The following PACRG variants were observed in gnomAD, a reference collection of about 807,000 sequenced individuals.
PACRG encodes parkin coregulated, also known as parkin coregulated gene protein.
Under a neutral mutation model 29.7 loss-of-function variants are expected in PACRG, and 29 were observed. The observed-to-expected ratio is 0.98, with a 90% CI of 0.73 to 1.33. PACRG has a LOEUF of 1.33. PACRG is among the 40% of genes most tolerant of loss of function. PACRG has a pLI of 0.00. For synonymous variants in PACRG, 116 were observed against 118.7 expected, an observed-to-expected ratio of 0.98 and a Z score of 0.15; for missense variants, 279 against 316.2, an observed-to-expected ratio of 0.88 and a Z score of 0.89.
chr6:162,804,328 C>G (rs186958721), intron 1 of PACRG, among the ~76,000 whole-genome samples: 1 of 152,106 alleles, frequency 6.6e-6, no homozygotes, highest in African/African-American at 2.4e-5. Context: ...GTCAGGTGCC[C>G]CGAATAATCC....
chr6:162,888,804 G>A lies in PACRG; in HGVS notation c.291+74523G>A, dbSNP rs910964481. Among the ~76,000 whole-genome samples, 4 of 152,154 alleles carry A rather than the reference G, an allele frequency of 2.6e-5. No individual in the cohort carries two copies. The South Asian group carries it at 8.3e-4, about 32-fold the overall frequency. ...AACCCAATAGCCAGGAATTTAAAAGGCAGGACTCTTTTCTCTTAATTTTCT... is the reference window on the plus strand; with the variant it reads ...AACCCAATAGCCAGGAATTTAAAAGACAGGACTCTTTTCTCTTAATTTTCT... On this transcript the variant is annotated intron_variant, in intron 2 of 4. Transcript: ENST00000366888.
intron 2 of PACRG, among the ~76,000 whole-genome samples, chr6:162,816,980 G>C (rs1787409639): frequency 6.6e-6 from 1 of 152,124 alleles, no homozygotes; most frequent in South Asian, 2.1e-4. Context: ...TCCCTCCGAG[G>C]ATACCGGCCC....
chr6:163,304,730 T>C (rs1027411464), intron 4 of PACRG, among the ~76,000 whole-genome samples: 1 of 152,258 alleles, frequency 6.6e-6, no homozygotes, highest in Middle Eastern at 3.4e-3. Context: ...AATGAAAATT[T>C]CATGCAGTGG....
intron 4 of PACRG, among the ~76,000 whole-genome samples, chr6:163,196,736 C>T (rs1780466239): frequency 6.6e-6 from 1 of 152,014 alleles, no homozygotes; most frequent in Non-Finnish European, 1.5e-5. Context: ...CCAGGGTGAG[C>T]AGATGTTCAG....
chr6:162,760,917 G>A (rs1584267282), intron 1 of PACRG, among the ~76,000 whole-genome samples: 1 of 152,308 alleles, frequency 6.6e-6, no homozygotes, highest in Middle Eastern at 3.4e-3. Context: ...ACTCAGATGA[G>A]GGTTGTCATA....
In PACRG at chr6:163,212,754, AG is replaced by A. The variant is rs1408484459; in HGVS notation, c.614-102072del. ...ATGCACATTAATTATAAAGGGAAGA[AG>A]AGTAACTTTACTTTGGAAACTGATA... On this transcript the variant is annotated intron_variant, in intron 4 of 4. Coordinates refer to ENST00000366888, the MANE Select transcript of PACRG (RefSeq NM_001080379.2). Among the ~76,000 whole-genome samples, 8 of 66,178 alleles carry A rather than the reference AG, an allele frequency of 1.2e-4. No individual in the cohort carries two copies. In the East Asian group the frequency reaches 7.5e-3, roughly 62 times the overall value. 43.4% of individuals were successfully genotyped at this position (66,178 alleles called of 152,430 possible). A position where few individuals can be genotyped will look rare whatever the true frequency, so the allele number is the denominator to read the frequency against.
intron 4 of PACRG, among the ~76,000 whole-genome samples, chr6:163,130,217 G>A (rs1325813691): frequency 1.3e-5 from 2 of 152,200 alleles, no homozygotes; most frequent in East Asian, 3.8e-4. Context: ...GAATGAAGGT[G>A]GCTGCACTGA....
intron 2 of PACRG, among the ~76,000 whole-genome samples, chr6:162,818,398 G>T (rs1247677751): frequency 1.3e-5 from 2 of 152,058 alleles, no homozygotes. Context: ...GGGTGGGGAC[G>T]GGGCTCTTTG....
chr6:163,186,652 G>A (rs1005941410), intron 4 of PACRG, among the ~76,000 whole-genome samples: 7 of 152,078 alleles, frequency 4.6e-5, no homozygotes, highest in Non-Finnish European at 7.4e-5. Context: ...TGGAGCCGTC[G>A]CGTGCAGGTG....
At chr6:163,197,841 C>T (rs1200433306) in intron 4 of PACRG, among the ~76,000 whole-genome samples, 1 of 152,134 alleles carries the variant, frequency 6.6e-6, no homozygotes, top group Non-Finnish European at 1.5e-5. Flanking sequence ...GTTATCTTAT[C>T]TTTCAAAGGA....
At chr6:162,894,347 T>G (rs1400664142) in intron 2 of PACRG, among the ~76,000 whole-genome samples, 1 of 152,178 alleles carries the variant, frequency 6.6e-6, no homozygotes, top group Non-Finnish European at 1.5e-5. Flanking sequence ...CTCTAAAAAA[T>G]TATAGTTTGG....
At chr6:163,066,999 C>T (rs972603992) in intron 3 of PACRG, among the ~76,000 whole-genome samples, 2 of 152,158 alleles carry the variant, frequency 1.3e-5, no homozygotes, top group Admixed American at 6.5e-5. Flanking sequence ...AAAGAATCAG[C>T]TGCTACTCAT....
chr6:162,994,918 C>T (rs529927123), intron 2 of PACRG, among the ~76,000 whole-genome samples: 3,046 of 144,620 alleles, frequency 0.021, 127 homozygotes, highest in African/African-American at 0.078. Context: ...GATGGGTTTT[C>T]GGTGTGGATG....
chr6:163,196,504 GAGGCAACATT>G (rs1780458290), intron 4 of PACRG, among the ~76,000 whole-genome samples: 1 of 152,206 alleles, frequency 6.6e-6, no homozygotes, highest in Admixed American at 6.5e-5. Flanking sequence ...AGCAGGGTTT[GAGGCAACATT>G]AGGCAACACA....
chr6:163,033,831 G>A (rs1807897533), intron 2 of PACRG, among the ~76,000 whole-genome samples: 1 of 152,166 alleles, frequency 6.6e-6, no homozygotes. Context: ...TCAGGGACCT[G>A]TAGCAAAGTT....
At chr6:163,107,737 A>G (rs1372715567) in intron 4 of PACRG, among the ~76,000 whole-genome samples, 1 of 152,158 alleles carries the variant, frequency 6.6e-6, no homozygotes, top group Non-Finnish European at 1.5e-5. Context: ...ATCAGGTACA[A>G]GGCAGACCTT....
chr6:162,761,545 AT>A (rs1429037760), intron 1 of PACRG, among the ~76,000 whole-genome samples: 5 of 152,262 alleles, frequency 3.3e-5, no homozygotes, highest in Middle Eastern at 3.4e-3. Flanking sequence ...TTAGAGTCCC[AT>A]GTATTAGATG....
At chr6:163,110,652 G>A (rs1044827679) in intron 4 of PACRG, among the ~76,000 whole-genome samples, 12 of 152,166 alleles carry the variant, frequency 7.9e-5, no homozygotes, top group African/African-American at 2.9e-4. Flanking sequence ...GGTGAGGGAG[G>A]GTGGATACAA....
rs978059738 is a variant in PACRG at position 162,777,225 on chromosome 6, G to A, written c.157-36922G>A. On this transcript the variant is annotated intron_variant, in intron 1 of 4. Transcript: ENST00000366888. The surrounding 1 kb of genome is among the most constrained non-coding windows in gnomAD (Gnocchi z 4.0). Reference sequence around the variant, plus strand: ...AGTATCAGACTCACTTGGCTCCCTCGTGCCGGCTGTGTGACGTTGTTTTTC... The same window carrying A: ...AGTATCAGACTCACTTGGCTCCCTCATGCCGGCTGTGTGACGTTGTTTTTC... Among the ~76,000 whole-genome samples the A allele has an allele frequency of 2.6e-5, 4 of 152,148 alleles. No homozygotes were observed. Among genetic ancestry groups the A allele is most frequent in the Admixed American group, 1.3e-4 (2 of 15,286 alleles).
Sources: allele counts gnomAD v4.1 joint callset (sites outside exome capture counted in the v4.1 genomes callset), GRCh38; gene constraint gnomAD v4.1.1; non-coding constraint Gnocchi (gnomAD v3.1); transcripts MANE v1.5; gene names NCBI Gene and HGNC (gene_info 2026-07-23, HGNC 2026-07-21).